Variants in TENM2 observed in about 807,000 individuals in gnomAD.
The protein encoded by TENM2 is teneurin transmembrane protein 2.
In TENM2, 52 loss-of-function variants were observed where a neutral mutation model predicts 245.2. The observed-to-expected ratio is 0.21, with a 90% CI of 0.17 to 0.27. TENM2 has a LOEUF of 0.27. Among genes scored for constraint, TENM2 ranks in the 10% least tolerant of loss-of-function variants. The pLI, the probability that TENM2 is intolerant of heterozygous loss-of-function variation, is 1.00. For synonymous variants in TENM2, 1,363 were observed against 1,438.9 expected, an observed-to-expected ratio of 0.95 and a Z score of 1.19; for missense variants, 3,046 against 3,666.8, an observed-to-expected ratio of 0.83 and a Z score of 4.37.
intron 3 of TENM2, among the ~76,000 whole-genome samples, chr5:167,913,098 G>C (rs1776675094): frequency 6.6e-6 from 1 of 152,178 alleles, no homozygotes; most frequent in African/African-American, 2.4e-5. Context: ...CAGCGAGATA[G>C]AGCAGCATTG....
chr5:167,189,826 TC>T, the TENM2 span, among the ~76,000 whole-genome samples: 2 of 152,124 alleles, frequency 1.3e-5, no homozygotes, highest in Admixed American at 1.3e-4. Flanking sequence ...TTCTTTCTTT[TC>T]ACTGTTAAAA....
At chr5:167,048,332 A>G in the TENM2 span, among the ~76,000 whole-genome samples, 1 of 152,204 alleles carries the variant, frequency 6.6e-6, no homozygotes, top group African/African-American at 2.4e-5. Flanking sequence ...TTGTTCAAAT[A>G]TTGACTATCA....
In TENM2 at chr5:167,636,946, A is replaced by G. The variant is rs143440526; in HGVS notation, c.503-239040A>G. 2.4e-3 allele frequency among the ~76,000 whole-genome samples: 361 copies of G among 152,314 alleles called. 1 individual carries two copies. The highest frequency in any genetic ancestry group is 8.2e-3 in the African/African-American group (339 of 41,570). On this transcript the variant is annotated intron_variant, in intron 2 of 28. Transcript: ENST00000518659. ...ATTGTGTCACAGTGTGGGAGCTAAG[A>G]AACGGGCTGGACTCAGAACCCAGAA...
intron 2 of TENM2, among the ~76,000 whole-genome samples, chr5:167,515,617 A>ACG (rs1770279036): frequency 7.0e-6 from 1 of 143,610 alleles, no homozygotes; most frequent in Non-Finnish European, 1.5e-5. Flanking sequence ...CAATATATAT[A>ACG]TACATATATA....
intron 2 of TENM2, among the ~76,000 whole-genome samples, chr5:167,486,657 G>A (rs1768094511): frequency 6.6e-6 from 1 of 152,014 alleles, no homozygotes; most frequent in Non-Finnish European, 1.5e-5. Context: ...TCTAATACAA[G>A]TTACTAGTGC....
At chr5:167,280,792 A>G (rs1432264148), upstream of TENM2, among the ~76,000 whole-genome samples, 1 of 150,680 alleles carries the variant, frequency 6.6e-6, no homozygotes, top group Non-Finnish European at 1.5e-5. Flanking sequence ...CTATCTATCT[A>G]TCTATCTATC....
At chr5:167,929,999 A>G (rs916666247) in intron 3 of TENM2, among the ~76,000 whole-genome samples, 5 of 152,232 alleles carry the variant, frequency 3.3e-5, no homozygotes, top group African/African-American at 4.8e-5. Context: ...TTATCTTGCC[A>G]GAAAATACAG....
intron 8 of TENM2, among the ~76,000 whole-genome samples, chr5:168,092,019 AT>A (rs1383810320): frequency 6.6e-6 from 1 of 152,032 alleles, no homozygotes; most frequent in Non-Finnish European, 1.5e-5. Context: ...ACATCCGATT[AT>A]TTTTTTTCCT....
chr5:167,566,141 C>G (rs1379763777), intron 2 of TENM2, among the ~76,000 whole-genome samples: 2 of 151,564 alleles, frequency 1.3e-5, no homozygotes, highest in Non-Finnish European at 2.9e-5. Context: ...CAGTTATTCA[C>G]TGGCGATTGT....
intron 1 of TENM2, among the ~76,000 whole-genome samples, chr5:167,341,055 C>G (rs1048970488): frequency 6.6e-6 from 1 of 152,046 alleles, no homozygotes; most frequent in Non-Finnish European, 1.5e-5. Flanking sequence ...CCTACAGATT[C>G]GCATTCGATG....
chr5:167,235,961 A>G, the TENM2 span, among the ~76,000 whole-genome samples: 7 of 152,184 alleles, frequency 4.6e-5, no homozygotes, highest in African/African-American at 9.7e-5. Flanking sequence ...GCAGGCAGGA[A>G]GAAGGGTGAC....
chr5:168,190,686 C>G (rs1436709113), intron 14 of TENM2, 139 bp downstream of exon 16: 1 of 664,522 alleles, frequency 1.5e-6, no homozygotes, highest in Non-Finnish European at 2.6e-6. Context: ...CCAAGGGGGA[C>G]TCAGAGAAGT....
At chr5:167,344,735 C>G (rs1481829530) in intron 1 of TENM2, among the ~76,000 whole-genome samples, 1 of 152,108 alleles carries the variant, frequency 6.6e-6, no homozygotes, top group Non-Finnish European at 1.5e-5. Context: ...CAGGGAAAGA[C>G]ACCATGGAAG....
the TENM2 span, among the ~76,000 whole-genome samples, chr5:167,021,234 A>T: frequency 6.6e-6 from 1 of 152,244 alleles, no homozygotes; most frequent in Admixed American, 6.5e-5. Flanking sequence ...AAAATAAGGC[A>T]GACAGGTGGG....
At chr5:168,180,537 T>G (rs1759774486) in intron 13 of TENM2, among the ~76,000 whole-genome samples, 1 of 152,204 alleles carries the variant, frequency 6.6e-6, no homozygotes, top group African/African-American at 2.4e-5. Context: ...TTTTTCTCAG[T>G]CACTCAGAAC....
chr5:167,704,340 T>C (rs1359407636), intron 2 of TENM2, among the ~76,000 whole-genome samples: 2 of 152,096 alleles, frequency 1.3e-5, no homozygotes, highest in African/African-American at 2.4e-5. Context: ...AATTTCAACT[T>C]TAAGAATTTT....
At chr5:167,809,467 A>T (rs1245127731) in intron 2 of TENM2, among the ~76,000 whole-genome samples, 2 of 152,160 alleles carry the variant, frequency 1.3e-5, no homozygotes, top group African/African-American at 4.8e-5. Flanking sequence ...GGTAGAGGGA[A>T]TTCAATTTGA....
At chr5:167,785,616 A>C (rs1168305210) in intron 2 of TENM2, among the ~76,000 whole-genome samples, 1 of 152,222 alleles carries the variant, frequency 6.6e-6, no homozygotes, top group Non-Finnish European at 1.5e-5. Context: ...TAGGAACTTC[A>C]TAGGGTCCAG....
chr5:167,405,066 A>T (rs1308014058), intron 2 of TENM2, among the ~76,000 whole-genome samples: 1 of 152,118 alleles, frequency 6.6e-6, no homozygotes, highest in African/African-American at 2.4e-5. Context: ...GGAGTCTTTC[A>T]TTTAGCATGA....
Sources: allele counts gnomAD v4.1 joint callset (sites outside exome capture counted in the v4.1 genomes callset), GRCh38; gene constraint gnomAD v4.1.1; transcripts MANE v1.5; gene names NCBI Gene and HGNC (gene_info 2026-07-23, HGNC 2026-07-21).